CADM2: variants seen among roughly 807,000 people sequenced by gnomAD.
CADM2 encodes the protein immunoglobulin superfamily member 4D.
A neutral mutation model predicts 49.8 loss-of-function variants in CADM2; 12 were observed. That is an observed-to-expected ratio of 0.24 (90% CI 0.15 to 0.39). The LOEUF is 0.39. CADM2 is among the 10% of genes least tolerant of loss of function. The pLI is 1.00. For missense variants in CADM2, 378 were observed against 492.3 expected, an observed-to-expected ratio of 0.77 and a Z score of 2.20; for synonymous variants, 214 against 175.4, an observed-to-expected ratio of 1.22 and a Z score of -1.74.
intron 1 of CADM2, among the ~76,000 whole-genome samples, chr3:85,520,261 T>C (rs2061001620): frequency 6.6e-6 from 1 of 151,882 alleles, no homozygotes; most frequent in Non-Finnish European, 1.5e-5. Context: ...AAAAGTAGCA[T>C]ACAGATTATT....
At chr3:86,008,656 G>A (rs1731087679) in intron 8 of CADM2, among the ~76,000 whole-genome samples, 1 of 151,938 alleles carries the variant, frequency 6.6e-6, no homozygotes, top group African/African-American at 2.4e-5. Context: ...TTTTAATTTG[G>A]AATCTTGACC....
intron 1 of CADM2, among the ~76,000 whole-genome samples, chr3:85,321,515 C>T (rs903860618): frequency 1.3e-5 from 2 of 151,854 alleles, no homozygotes; most frequent in Non-Finnish European, 2.9e-5. Flanking sequence ...GTATTATAGA[C>T]AAGGCTTCTT....
intron 1 of CADM2, among the ~76,000 whole-genome samples, chr3:85,282,523 C>T (rs1054731171): frequency 1.3e-5 from 2 of 150,878 alleles, no homozygotes; most frequent in Non-Finnish European, 2.9e-5. Context: ...CTACCCGCCT[C>T]GGCCTCCCAA....
intron 1 of CADM2, 132 bp from the exon 2 acceptor site, chr3:85,726,390 G>A (rs2067696802): frequency 3.2e-6 from 3 of 929,054 alleles, no homozygotes; most frequent in South Asian, 2.8e-5. Flanking sequence ...TGTTTCTTAG[G>A]CTGTTGATCA....
rs1192136942 is a variant in CADM2, at chr3:86,042,650, A to T, written c.971-22955A>T. On this transcript the variant is annotated intron_variant, in intron 8 of 9. Coordinates refer to ENST00000383699, the MANE Select transcript of CADM2 (RefSeq NM_001167675.2). ...TTCACAGCTGAATTCTACCAGAGGT[A>T]CAAGGAGGAGCTGGTACCATTCCTT... 3.3e-5 allele frequency among the ~76,000 whole-genome samples: 5 copies of T among 152,306 alleles called. No homozygotes were observed. The East Asian group carries it at 9.7e-4, about 29-fold the overall frequency.
chr3:86,040,835 G>A (rs952588917), intron 8 of CADM2, among the ~76,000 whole-genome samples: 17 of 152,126 alleles, frequency 1.1e-4, no homozygotes, highest in African/African-American at 3.9e-4. Context: ...CAGAGAGAAA[G>A]GTCGGGTTAC....
chr3:85,729,127 T>A (rs1007942559), intron 2 of CADM2, among the ~76,000 whole-genome samples: 1 of 152,198 alleles, frequency 6.6e-6, no homozygotes, highest in Non-Finnish European at 1.5e-5. Context: ...ATTTTTTTCC[T>A]GATGAACATA....
intron 1 of CADM2, among the ~76,000 whole-genome samples, chr3:85,390,294 T>C (rs1440465603): frequency 1.3e-5 from 2 of 152,112 alleles, no homozygotes; most frequent in East Asian, 3.8e-4. Flanking sequence ...TTTAAAATCA[T>C]TGGTTAACTC....
At chr3:85,681,864 G>T (rs575027479) in intron 1 of CADM2, among the ~76,000 whole-genome samples, 1 of 151,944 alleles carries the variant, frequency 6.6e-6, no homozygotes, top group Non-Finnish European at 1.5e-5. Context: ...TTGCAAAAAC[G>T]TATCAACTTA....
chr3:85,957,154 G>C (rs1030637163), intron 7 of CADM2, among the ~76,000 whole-genome samples: 2 of 151,620 alleles, frequency 1.3e-5, no homozygotes, highest in Non-Finnish European at 2.9e-5. Context: ...CATAGCACAA[G>C]ACAATCTAGC....
chr3:85,954,111 C>A (rs1360883539), intron 7 of CADM2, among the ~76,000 whole-genome samples: 2 of 150,742 alleles, frequency 1.3e-5, no homozygotes, highest in African/African-American at 4.9e-5. Context: ...GAATTGCTGC[C>A]ATAAAAGTAT....
At chr3:85,447,487 A>C (rs1363124784) in intron 1 of CADM2, among the ~76,000 whole-genome samples, 1 of 152,214 alleles carries the variant, frequency 6.6e-6, no homozygotes, top group Non-Finnish European at 1.5e-5. Flanking sequence ...TGCCCCTTAT[A>C]CATACAGGTA....
chr3:85,755,446 A>C (rs13353526), intron 2 of CADM2, among the ~76,000 whole-genome samples: 25,706 of 152,070 alleles, frequency 0.17, 2,602 homozygotes, highest in African/African-American at 0.27. Context: ...GTTGTGTTCA[A>C]CAACCTGAAA....
In CADM2 at chr3:85,928,442, CCA is replaced by C. The variant is rs1377159454; in HGVS notation, c.701-7323_701-7322del. ...AAAGTGCTGGGATTACAGGCGTGAG[CCA>C]CCACGCCCAGTCAAAAGAAGAAAAA... is the stretch of plus-strand genomic sequence containing the variant. On this transcript the variant is annotated intron_variant, in intron 6 of 9. Coordinates refer to ENST00000383699, the MANE Select transcript of CADM2 (RefSeq NM_001167675.2). Among the ~76,000 whole-genome samples the C allele has an allele frequency of 2.0e-5, 3 of 152,096 alleles. No individual in the cohort carries two copies. The East Asian group carries it at 5.8e-4, about 29-fold the overall frequency.
chr3:85,599,301 G>T (rs1453432536), intron 1 of CADM2, among the ~76,000 whole-genome samples: 1 of 151,962 alleles, frequency 6.6e-6, no homozygotes, highest in Non-Finnish European at 1.5e-5. Flanking sequence ...TTAGGTCTTG[G>T]CTGTCTTTTA....
chr3:85,053,008 T>G (rs1343633981), intron 1 of CADM2, among the ~76,000 whole-genome samples: 5 of 152,000 alleles, frequency 3.3e-5, no homozygotes, highest in African/African-American at 1.2e-4. Flanking sequence ...AAGAGACCAG[T>G]ACTGTACTAA....
chr3:85,563,378 G>A (rs4856590), intron 1 of CADM2, among the ~76,000 whole-genome samples: 74,012 of 146,556 alleles, frequency 0.51, 21,907 homozygotes, highest in East Asian at 0.84. Flanking sequence ...ATGATTCTAC[G>A]TATTGCAAAA....
chr3:85,597,690 G>A (rs2063283261), intron 1 of CADM2, among the ~76,000 whole-genome samples: 2 of 151,952 alleles, frequency 1.3e-5, no homozygotes, highest in Non-Finnish European at 2.9e-5. Flanking sequence ...GGACATTTTT[G>A]TCAAAAGTGC....
At chr3:85,493,021 T>A (rs1056385003) in intron 1 of CADM2, among the ~76,000 whole-genome samples, 2 of 152,156 alleles carry the variant, frequency 1.3e-5, no homozygotes, top group Non-Finnish European at 1.5e-5. Context: ...CCATTACATA[T>A]GGCCCTAGGA....
Sources: gnomAD v4.1 joint callset for allele counts (sites outside exome capture counted in the v4.1 genomes callset) on GRCh38, gnomAD v4.1.1 for gene constraint, MANE v1.5 for transcripts, NCBI Gene and HGNC (gene_info 2026-07-23, HGNC 2026-07-21) for gene names.